The following ARHGAP42 variants were observed in gnomAD, a reference collection of about 807,000 sequenced individuals.
ARHGAP42 encodes the protein rho GTPase-activating protein 42.
ARHGAP42 carries 63 observed loss-of-function variants against 125.0 expected under a neutral mutation model. The observed-to-expected ratio is 0.50, with a 90% CI of 0.41 to 0.62. ARHGAP42 has a LOEUF of 0.62. ARHGAP42 is among the 20% of genes least tolerant of loss of function. The pLI, the probability that ARHGAP42 is intolerant of heterozygous loss-of-function variation, is 0.00. For missense variants in ARHGAP42, 766 were observed against 1,024.2 expected (o/e 0.75, Z 3.44); for synonymous variants, 339 against 351.0 (o/e 0.97, Z 0.38).
At chr11:100,880,523 G>A (rs1280108509) in intron 4 of ARHGAP42, among the ~76,000 whole-genome samples, 4 of 151,978 alleles carry the variant, frequency 2.6e-5, no homozygotes, top group Admixed American at 1.3e-4. Flanking sequence ...GGTTGGTTCC[G>A]CCTTTTTGCA....
intron 2 of ARHGAP42, among the ~76,000 whole-genome samples, chr11:100,775,020 CTT>C (rs537539725): frequency 6.8e-6 from 1 of 147,014 alleles, no homozygotes; most frequent in East Asian, 2.0e-4. Context: ...GTGTCCTGCA[CTT>C]TTTTTTTTTA....
chr11:100,985,469 T>C (rs545716352), intron 22 of ARHGAP42, among the ~76,000 whole-genome samples: 13 of 152,352 alleles, frequency 8.5e-5, no homozygotes, highest in Non-Finnish European at 1.0e-4. Flanking sequence ...AAAAAGTTTA[T>C]ATTCTATTTG....
chr11:100,836,725 G>GTTTT (rs1565234966), intron 3 of ARHGAP42, among the ~76,000 whole-genome samples: 3 of 100,998 alleles, frequency 3.0e-5, no homozygotes, highest in Admixed American at 1.2e-4. Flanking sequence ...TTTTGTTGTT[G>GTTTT]TTTTCTTTTT....
At chr11:100,723,601 C>T (rs1861803530) in intron 1 of ARHGAP42, among the ~76,000 whole-genome samples, 1 of 151,936 alleles carries the variant, frequency 6.6e-6, no homozygotes, top group Admixed American at 6.6e-5. Flanking sequence ...ATAGGAAAGA[C>T]ATTGACTTTT....
Position 100,974,455 on chromosome 11 carries a change from G to A in ARHGAP42, c.1711-4G>A, listed in dbSNP as rs546110071. 7.0e-5 allele frequency: 108 copies of A among 1,546,944 alleles called. No individual in the cohort carries two copies. Among genetic ancestry groups the A allele is most frequent in the African/African-American group, 4.1e-4 (30 of 72,888 alleles). ...TGACCTTGGTCCATTTTTCTTATAC[G>A]TAGATTTTTCATACTGCTCCAGACC... is the stretch of plus-strand genomic sequence containing the variant. On this transcript the variant is annotated splice_region_variant and splice_polypyrimidine_tract_variant and intron_variant, in intron 18 of 23. Coordinates refer to ENST00000298815, the MANE Select transcript of ARHGAP42 (RefSeq NM_152432.4).
chr11:100,765,538 G>C (rs1483130352), intron 1 of ARHGAP42, among the ~76,000 whole-genome samples: 1 of 152,100 alleles, frequency 6.6e-6, no homozygotes, highest in African/African-American at 2.4e-5. Flanking sequence ...AGGACTAATG[G>C]GTTAATTTAT....
chr11:100,707,501 T>C (rs947915551), intron 1 of ARHGAP42, among the ~76,000 whole-genome samples: 4 of 152,202 alleles, frequency 2.6e-5, no homozygotes, highest in Non-Finnish European at 5.9e-5. Context: ...TGCATTCTAT[T>C]AATTATAGAT....
At chr11:100,697,008 TA>T (rs961832838) in intron 1 of ARHGAP42, among the ~76,000 whole-genome samples, 21 of 149,374 alleles carry the variant, frequency 1.4e-4, no homozygotes, top group Admixed American at 7.3e-4. Flanking sequence ...AGGTAACATG[TA>T]AAAAAAAAAT....
intron 10 of ARHGAP42, among the ~76,000 whole-genome samples, chr11:100,945,000 G>A (rs1867979213): frequency 6.6e-6 from 1 of 151,962 alleles, no homozygotes; most frequent in South Asian, 2.1e-4. Context: ...TACTCAGTAG[G>A]GCGTCTTTCA....
intron 4 of ARHGAP42, among the ~76,000 whole-genome samples, chr11:100,891,473 G>C (rs1247836116): frequency 9.7e-6 from 1 of 103,570 alleles, no homozygotes; most frequent in Admixed American, 1.2e-4. Context: ...ATGGAGTCTT[G>C]CTTTTGCCAC....
intron 4 of ARHGAP42, among the ~76,000 whole-genome samples, chr11:100,872,081 C>T (rs1331899342): frequency 6.6e-6 from 1 of 152,172 alleles, no homozygotes; most frequent in Non-Finnish European, 1.5e-5. Flanking sequence ...TTCCTATTTA[C>T]CTAACTCTTG....
Position 100,863,053 on chromosome 11 carries a change from AC to A in ARHGAP42, c.384+3429del, listed in dbSNP as rs1565247630. Among the ~76,000 whole-genome samples, 24 of 64,952 alleles carry A rather than the reference AC, an allele frequency of 3.7e-4. No individual in the cohort carries two copies. The East Asian group carries it at 4.3e-3, about 12-fold the overall frequency. The allele number at this position is 64,952 out of a possible 152,430, so 42.6% of individuals were successfully genotyped here. A position where few individuals can be genotyped will look rare whatever the true frequency, so the allele number is the denominator to read the frequency against. ...ACTCCGTCTCAAAAAAAAAAAAAAA[AC>A]ACAAAACACACACACACACACACAC... On this transcript the variant is annotated intron_variant, in intron 4 of 23. Transcript: ENST00000298815.
chr11:100,744,031 C>G (rs912215511), intron 1 of ARHGAP42, among the ~76,000 whole-genome samples: 1 of 152,186 alleles, frequency 6.6e-6, no homozygotes, highest in Non-Finnish European at 1.5e-5. Context: ...AGTGCAATGG[C>G]ATGATCTTGG....
chr11:100,857,522 TA>T (rs1165795925), intron 3 of ARHGAP42, among the ~76,000 whole-genome samples: 2 of 152,150 alleles, frequency 1.3e-5, no homozygotes, highest in Non-Finnish European at 2.9e-5. Context: ...TCATATTTAT[TA>T]GTTCTGCCAA....
intron 2 of ARHGAP42, among the ~76,000 whole-genome samples, chr11:100,770,820 C>A (rs1466558944): frequency 6.6e-6 from 1 of 152,196 alleles, no homozygotes; most frequent in African/African-American, 2.4e-5. Context: ...CTCAGGTGAT[C>A]CACCCGCCTC....
intron 1 of ARHGAP42, among the ~76,000 whole-genome samples, chr11:100,714,027 G>T (rs947767381): frequency 1.3e-5 from 2 of 152,132 alleles, no homozygotes; most frequent in African/African-American, 2.4e-5. Flanking sequence ...TTTGGCCACT[G>T]GGCTCTGTCT....
At chr11:100,849,592 G>T (rs377763600) in intron 3 of ARHGAP42, among the ~76,000 whole-genome samples, 3,827 of 151,216 alleles carry the variant, frequency 0.025, 106 homozygotes, top group African/African-American at 0.062. Context: ...TTTTTTTTTG[G>T]TTTTATTTTT....
intron 17 of ARHGAP42, among the ~76,000 whole-genome samples, chr11:100,971,994 T>C (rs1373440489): frequency 6.6e-6 from 1 of 152,194 alleles, no homozygotes; most frequent in Non-Finnish European, 1.5e-5. Flanking sequence ...TATATAGTAT[T>C]TGATTATATT....
intron 3 of ARHGAP42, among the ~76,000 whole-genome samples, chr11:100,804,278 C>A (rs1863935765): frequency 6.6e-6 from 1 of 152,154 alleles, no homozygotes; most frequent in African/African-American, 2.4e-5. Context: ...GCATGAGCCA[C>A]TGTGCCCAGC....
Sources: gnomAD v4.1 joint callset for allele counts (sites outside exome capture counted in the v4.1 genomes callset) on GRCh38, gnomAD v4.1.1 for gene constraint, MANE v1.5 for transcripts, NCBI Gene and HGNC (gene_info 2026-07-23, HGNC 2026-07-21) for gene names.